GALNT13: variants seen among roughly 807,000 people sequenced by gnomAD.
The protein encoded by GALNT13 is UDP-GalNAc:polypeptide N-acetylgalactosaminyltransferase 13.
In GALNT13, 28 loss-of-function variants were observed where a neutral mutation model predicts 64.2. The observed-to-expected ratio is 0.44, with a 90% confidence interval of 0.32 to 0.60. The LOEUF (loss-of-function observed/expected upper bound fraction) is 0.60, where lower values mean the gene tolerates loss of function less well. Among genes scored for constraint, GALNT13 ranks in the 20% least tolerant of loss-of-function variants. The pLI is 0.05. For synonymous variants in GALNT13, 214 were observed against 224.6 expected (o/e 0.95, Z 0.42); for missense variants, 577 against 669.8 (o/e 0.86, Z 1.53).
At chr2:153,728,208 T>C in the GALNT13 span, among the ~76,000 whole-genome samples, 1 of 152,238 alleles carries the variant, frequency 6.6e-6, no homozygotes, top group Non-Finnish European at 1.5e-5. Flanking sequence ...TAAACATACG[T>C]GTGCATATGT....
chr2:154,406,596 C>A (rs116651057), intron 10 of GALNT13, among the ~76,000 whole-genome samples: 5 of 152,132 alleles, frequency 3.3e-5, no homozygotes, highest in Non-Finnish European at 4.4e-5. Flanking sequence ...CTTCATTAAA[C>A]GTCTTTTCAA....
At chr2:154,166,730 A>G (rs1401390953) in intron 4 of GALNT13, among the ~76,000 whole-genome samples, 7 of 152,360 alleles carry the variant, frequency 4.6e-5, no homozygotes, top group African/African-American at 1.7e-4. Flanking sequence ...ACCAACCCAG[A>G]TGTCCATCAG....
intron 4 of GALNT13, among the ~76,000 whole-genome samples, chr2:154,151,502 G>T (rs1295480580): frequency 6.6e-6 from 1 of 152,058 alleles, no homozygotes; most frequent in African/African-American, 2.4e-5. Flanking sequence ...TTTCTGTCTC[G>T]TTGATCTGTC....
At chr2:153,457,683 A>G in the GALNT13 span, among the ~76,000 whole-genome samples, 2 of 152,346 alleles carry the variant, frequency 1.3e-5, no homozygotes, top group South Asian at 4.1e-4. Context: ...TGGGGATTTC[A>G]ACCTAGTTGT....
chr2:154,309,220 A>G (rs1485916111), intron 9 of GALNT13, among the ~76,000 whole-genome samples: 2 of 152,134 alleles, frequency 1.3e-5, no homozygotes, highest in Admixed American at 1.3e-4. Flanking sequence ...AACTGCTTAC[A>G]TTTTCCTAGA....
intron 8 of GALNT13, among the ~76,000 whole-genome samples, chr2:154,268,895 C>T (rs945064306): frequency 7.9e-5 from 12 of 152,024 alleles, no homozygotes; most frequent in Non-Finnish European, 1.6e-4. Context: ...TATAATTACC[C>T]TTAAAATAAG....
In GALNT13 at chr2:154,024,809, C is replaced by T. The variant is rs573685318; in HGVS notation, c.142+80170C>T. 6.6e-5 allele frequency among the ~76,000 whole-genome samples: 10 copies of T among 152,144 alleles called. No homozygotes were observed. In the South Asian group the frequency reaches 2.1e-3, roughly 32 times the overall value. On this transcript the variant is annotated intron_variant, in intron 3 of 12. Coordinates refer to ENST00000392825, the MANE Select transcript of GALNT13 (RefSeq NM_052917.4). ...TCCAGTTTTTCTGCTCTGTTTTTTT[C>T]CCATCTTTGTGGTTTTATCTACCTT...
At chr2:153,222,343 G>GGGGGGGT in the GALNT13 span, among the ~76,000 whole-genome samples, 2 of 103,788 alleles carry the variant, frequency 1.9e-5, no homozygotes, top group South Asian at 3.3e-4. Flanking sequence ...GGGGGGGGGG[G>GGGGGGGT]TTGGGCTTAT....
intron 9 of GALNT13, among the ~76,000 whole-genome samples, chr2:154,359,536 C>T (rs932903253): frequency 1.3e-5 from 2 of 152,066 alleles, no homozygotes; most frequent in Non-Finnish European, 2.9e-5. Context: ...AGAGCTAAAA[C>T]GAGGCAAAGG....
At chr2:153,465,602 A>T in the GALNT13 span, among the ~76,000 whole-genome samples, 61 of 151,874 alleles carry the variant, frequency 4.0e-4, 2 homozygotes, top group African/African-American at 1.4e-3. Flanking sequence ...TGTTTTGGAT[A>T]AATAGGTGCC....
At chr2:153,623,386 G>A in the GALNT13 span, among the ~76,000 whole-genome samples, 14 of 152,134 alleles carry the variant, frequency 9.2e-5, no homozygotes, top group Non-Finnish European at 2.1e-4. Context: ...TGTAGTTTTG[G>A]TGGTGTTTCC....
At chr2:153,303,895 A>T in the GALNT13 span, among the ~76,000 whole-genome samples, 1 of 152,144 alleles carries the variant, frequency 6.6e-6, no homozygotes, top group African/African-American at 2.4e-5. Flanking sequence ...TGATCAAGAC[A>T]GTTTGAAATT....
At chr2:153,360,282 C>T in the GALNT13 span, among the ~76,000 whole-genome samples, 52 of 152,304 alleles carry the variant, frequency 3.4e-4, no homozygotes, top group African/African-American at 9.4e-4. Context: ...ACTGTGCAAC[C>T]GACAGACTGG....
chr2:154,103,865 A>G (rs946629609), intron 3 of GALNT13, among the ~76,000 whole-genome samples: 46 of 152,132 alleles, frequency 3.0e-4, no homozygotes, highest in African/African-American at 1.1e-3. Context: ...GATGTCTCAC[A>G]AAGCTTCTTT....
chr2:153,894,782 C>T (rs1278057571), intron 1 of GALNT13, among the ~76,000 whole-genome samples: 1 of 152,074 alleles, frequency 6.6e-6, no homozygotes, highest in Non-Finnish European at 1.5e-5. Context: ...TCTTCTCTAA[C>T]ACAATAACAG....
chr2:153,430,083 T>C, the GALNT13 span, among the ~76,000 whole-genome samples: 146 of 152,250 alleles, frequency 9.6e-4, no homozygotes, highest in African/African-American at 3.4e-3. Context: ...CAGTATGAGA[T>C]GCCTTGCCTC....
intron 4 of GALNT13, among the ~76,000 whole-genome samples, chr2:154,211,904 T>C (rs757271494): frequency 6.6e-6 from 1 of 151,668 alleles, no homozygotes; most frequent in Non-Finnish European, 1.5e-5. Context: ...AACAAAAAAG[T>C]AAACTAAGAA....
intron 4 of GALNT13, among the ~76,000 whole-genome samples, chr2:154,160,136 T>A (rs1412785902): frequency 6.6e-6 from 1 of 152,210 alleles, no homozygotes; most frequent in East Asian, 1.9e-4. Flanking sequence ...CATTTTCAGC[T>A]ATTTTAAAAG....
intron 2 of GALNT13, among the ~76,000 whole-genome samples, chr2:153,943,077 G>A (rs1691454169): frequency 6.6e-6 from 1 of 152,104 alleles, no homozygotes; most frequent in Non-Finnish European, 1.5e-5. Flanking sequence ...ATCAGAATAT[G>A]TTTTGTCTGA....
Sources: gnomAD v4.1 joint callset for allele counts (sites outside exome capture counted in the v4.1 genomes callset) on GRCh38, gnomAD v4.1.1 for gene constraint, MANE v1.5 for transcripts, NCBI Gene and HGNC (gene_info 2026-07-23, HGNC 2026-07-21) for gene names.